Variants in SH3PXD2A observed in about 807,000 individuals in gnomAD.
The protein encoded by SH3PXD2A is SH3 and PX domain-containing protein 2A.
SH3PXD2A carries 32 observed loss-of-function variants against 115.2 expected under a neutral mutation model. The observed-to-expected ratio is 0.28, with a 90% CI of 0.21 to 0.37. The LOEUF is 0.37. Among genes scored for constraint, SH3PXD2A ranks in the 10% least tolerant of loss-of-function variants. SH3PXD2A has a pLI of 1.00. For missense variants in SH3PXD2A, 1,328 were observed against 1,498.7 expected (o/e 0.89, Z 1.88); for synonymous variants, 610 against 629.1 (o/e 0.97, Z 0.45).
chr10:103,770,438 C>T (rs867928290), intron 2 of SH3PXD2A, among the ~76,000 whole-genome samples: 5 of 152,156 alleles, frequency 3.3e-5, no homozygotes, highest in African/African-American at 4.8e-5. Context: ...TGGCTTCAAG[C>T]GATCCTCCTA....
In SH3PXD2A at chr10:103,668,657, C is replaced by G. The variant is rs201923565; in HGVS notation, c.428-5G>C. On this transcript the variant is annotated splice_region_variant and splice_polypyrimidine_tract_variant and intron_variant, in intron 6 of 14. Coordinates refer to ENST00000369774, the MANE Select transcript of SH3PXD2A (RefSeq NM_001394015.1). ...CAGCCCAGCTGGACAGCCACACTTC[C>G]GAGTCCCCGAGAGCAAGCGGCAGCA... The G allele has an allele frequency of 6.4e-7, 1 of 1,559,530 alleles. No individual in the cohort carries two copies. The highest frequency in any genetic ancestry group is 8.7e-7 in the Non-Finnish European group (1 of 1,151,714).
intron 3 of SH3PXD2A, among the ~76,000 whole-genome samples, chr10:103,758,485 C>T (rs1256912899): frequency 6.6e-6 from 1 of 152,202 alleles, no homozygotes; most frequent in Non-Finnish European, 1.5e-5. Context: ...CTTCTGACTC[C>T]CACACTGGAA....
rs2036117276 is a variant in SH3PXD2A, at chr10:103,595,286, T to A, written c.*6530A>T. 2 of 152,194 alleles carry A rather than the reference T, an allele frequency of 1.3e-5. No individual in the cohort carries two copies. The highest frequency in any genetic ancestry group is 2.4e-5 in the African/African-American group (1 of 41,448). The allele number at this position is 152,194 out of a possible 1,614,324, so 9.4% of individuals were successfully genotyped here. A position where few individuals can be genotyped will look rare whatever the true frequency, so the allele number is the denominator to read the frequency against. ...TATGGCTGGACCCTTGGGTGTTAAA[T>A]CACTAAATTCCCTTTCTACCTGCTC... On this transcript the variant is annotated 3_prime_UTR_variant, in exon 15 of 15. Coordinates refer to ENST00000369774, the MANE Select transcript of SH3PXD2A (RefSeq NM_001394015.1).
intron 1 of SH3PXD2A, among the ~76,000 whole-genome samples, chr10:103,810,952 G>GCACACACACACACACA (rs71476608): frequency 3.0e-4 from 6 of 19,958 alleles, no homozygotes; most frequent in African/African-American, 6.0e-4. Flanking sequence ...GCGCGCGCGC[G>GCACACACACACACACA]CACACACACA....
At chr10:103,827,371 G>T (rs760258624) in intron 1 of SH3PXD2A, among the ~76,000 whole-genome samples, 1 of 151,988 alleles carries the variant, frequency 6.6e-6, no homozygotes, top group Non-Finnish European at 1.5e-5. Flanking sequence ...TTCACTCCCG[G>T]TAACACTACG....
intron 1 of SH3PXD2A, among the ~76,000 whole-genome samples, chr10:103,822,676 T>C (rs2039393270): frequency 6.6e-6 from 1 of 152,222 alleles, no homozygotes; most frequent in African/African-American, 2.4e-5. Flanking sequence ...CAAAGGAAAC[T>C]GATCTGAATA....
chr10:103,765,074 G>A (rs984903959), intron 3 of SH3PXD2A, among the ~76,000 whole-genome samples: 2 of 152,136 alleles, frequency 1.3e-5, no homozygotes, highest in South Asian at 2.1e-4. Flanking sequence ...GCCCCACGAA[G>A]TACATTCTAT....
At chr10:103,685,023 AAAAAGCAAAAAC>A (rs2037659134) in intron 6 of SH3PXD2A, among the ~76,000 whole-genome samples, 1 of 150,798 alleles carries the variant, frequency 6.6e-6, no homozygotes, top group South Asian at 2.1e-4. Flanking sequence ...CCCTGTCTCA[AAAAAGCAAAAAC>A]AAAAACAAAA....
At chr10:103,781,332 T>C (rs1221217082) in intron 2 of SH3PXD2A, among the ~76,000 whole-genome samples, 2 of 152,100 alleles carry the variant, frequency 1.3e-5, no homozygotes, top group South Asian at 2.1e-4. Context: ...ACCCACAGAA[T>C]CTCCCTGCAG....
At chr10:103,821,079 T>C (rs1250062405) in intron 1 of SH3PXD2A, among the ~76,000 whole-genome samples, 1 of 151,806 alleles carries the variant, frequency 6.6e-6, no homozygotes, top group Non-Finnish European at 1.5e-5. Context: ...AATGGGATAA[T>C]GCATCCAAAG....
chr10:103,661,937 C>A, intron 7 of SH3PXD2A: 1 of 985,168 alleles, frequency 1.0e-6, no homozygotes, highest in Non-Finnish European at 1.2e-6. Flanking sequence ...AAGTTCGCTC[C>A]GTTCCTGCCC....
intron 6 of SH3PXD2A, among the ~76,000 whole-genome samples, chr10:103,682,814 G>A (rs1354494386): frequency 2.0e-5 from 3 of 151,656 alleles, no homozygotes; most frequent in Admixed American, 6.6e-5. Context: ...AGAAGCTGAC[G>A]CCTTCAAAAG....
At chr10:103,814,612 G>A (rs1282126812) in intron 1 of SH3PXD2A, among the ~76,000 whole-genome samples, 1 of 152,142 alleles carries the variant, frequency 6.6e-6, no homozygotes, top group Non-Finnish European at 1.5e-5. Flanking sequence ...TGTGATGCTG[G>A]TAGATCCCCT....
intron 2 of SH3PXD2A, among the ~76,000 whole-genome samples, chr10:103,786,645 C>T (rs2038983601): frequency 1.3e-5 from 2 of 152,076 alleles, no homozygotes; most frequent in Admixed American, 1.3e-4. Flanking sequence ...AGCCTTGTGA[C>T]ACAGTGAGAC....
At position 103,627,039 on chromosome 10, in the gene SH3PXD2A, G is replaced by T; in HGVS notation, c.718+50C>A. 1.0e-6 allele frequency: 1 copy of T among 985,070 alleles called. No individual in the cohort carries two copies. The highest frequency in any genetic ancestry group is 1.3e-5 in the South Asian group (1 of 77,046). 61.0% of individuals were successfully genotyped at this position (985,070 alleles called of 1,614,324 possible). A position where few individuals can be genotyped will look rare whatever the true frequency, so the allele number is the denominator to read the frequency against. ...GTTCTAGGGAAAGAGTGAGAGAGCT[G>T]CCTCCAGAGGCCGCGTTGCTCCCTG... is the stretch of plus-strand genomic sequence containing the variant. On this transcript the variant is annotated intron_variant, in intron 9 of 14. Coordinates refer to ENST00000369774, the MANE Select transcript of SH3PXD2A (RefSeq NM_001394015.1). This position sits in a 1 kb window ranked among gnomAD's most constrained non-coding sequence, Gnocchi z 4.4.
At chr10:103,832,370 G>GAAAAAAAAAAAAAA (rs58886791) in intron 1 of SH3PXD2A, among the ~76,000 whole-genome samples, 7 of 128,036 alleles carry the variant, frequency 5.5e-5, no homozygotes, top group Admixed American at 2.3e-4. Flanking sequence ...AACCTAAAAA[G>GAAAAAAAAAAAAAA]AAAAAAAAAA....
intron 9 of SH3PXD2A, among the ~76,000 whole-genome samples, chr10:103,623,418 C>G (rs1242377498): frequency 6.6e-6 from 1 of 152,202 alleles, no homozygotes; most frequent in Non-Finnish European, 1.5e-5. Flanking sequence ...GTGAGACTCC[C>G]AGATGGAATG....
chr10:103,726,289 A>G (rs2038240561), intron 4 of SH3PXD2A, among the ~76,000 whole-genome samples: 1 of 152,230 alleles, frequency 6.6e-6, no homozygotes, highest in South Asian at 2.1e-4. Flanking sequence ...TGCAAGGCCT[A>G]GATCCAGTGG....
At position 103,598,733 on chromosome 10, in the gene SH3PXD2A, A is replaced by C. The variant is rs2036172635; in HGVS notation, c.*3083T>G. 1 of 152,652 alleles carries C rather than the reference A, an allele frequency of 6.6e-6. No individual in the cohort carries two copies. Among genetic ancestry groups the C allele is most frequent in the Admixed American group, 6.5e-5 (1 of 15,280 alleles). The allele number at this position is 152,652 out of a possible 1,614,324, so 9.5% of individuals were successfully genotyped here. ...ATCCTTCAGCATCACAAAGCAGCTC[A>C]GTAGCTCAAGGGAAAGGCCCTCTCG... On this transcript the variant is annotated 3_prime_UTR_variant, in exon 15 of 15. Coordinates refer to ENST00000369774, the MANE Select transcript of SH3PXD2A (RefSeq NM_001394015.1).
Sources: allele counts gnomAD v4.1 joint callset (sites outside exome capture counted in the v4.1 genomes callset), GRCh38; gene constraint gnomAD v4.1.1; non-coding constraint Gnocchi (gnomAD v3.1); transcripts MANE v1.5; gene names NCBI Gene and HGNC (gene_info 2026-07-23, HGNC 2026-07-21).